The following ZBTB7C variants were observed in gnomAD, a reference collection of about 807,000 sequenced individuals.
ZBTB7C encodes zinc finger and BTB domain-containing protein 7C.
ZBTB7C carries 8 observed loss-of-function variants against 25.7 expected under a neutral mutation model. That is an observed-to-expected ratio of 0.31 (90% CI 0.18 to 0.56). ZBTB7C has a LOEUF of 0.56. Ranked by LOEUF, ZBTB7C falls within the 20% of genes least tolerant of loss-of-function variation. ZBTB7C has a pLI of 0.91. For missense variants in ZBTB7C, 824 were observed against 855.2 expected (o/e 0.96, Z 0.46); for synonymous variants, 394 against 369.0 (o/e 1.07, Z -0.78).
chr18:48,328,542 G>T (rs570815219), intron 2 of ZBTB7C, among the ~76,000 whole-genome samples: 3 of 152,160 alleles, frequency 2.0e-5, no homozygotes, highest in Non-Finnish European at 4.4e-5. Flanking sequence ...TGGCCCAAAT[G>T]ATGTCCAAAG....
intron 3 of ZBTB7C, among the ~76,000 whole-genome samples, chr18:48,085,796 A>G (rs1005977859): frequency 3.9e-5 from 6 of 152,180 alleles, no homozygotes; most frequent in African/African-American, 1.4e-4. Context: ...GGGACGAATA[A>G]ATGTCTGGAA....
intron 3 of ZBTB7C, among the ~76,000 whole-genome samples, chr18:48,164,814 G>C (rs1222198851): frequency 4.6e-5 from 7 of 152,144 alleles, no homozygotes; most frequent in African/African-American, 1.7e-4. Context: ...CTGTATACTA[G>C]ATACTGTTCA....
intron 2 of ZBTB7C, among the ~76,000 whole-genome samples, chr18:48,248,017 A>G (rs2043745337): frequency 6.6e-6 from 1 of 152,094 alleles, no homozygotes; most frequent in African/African-American, 2.4e-5. Context: ...GTCTCACAAA[A>G]TCTAATGGTT....
intron 3 of ZBTB7C, among the ~76,000 whole-genome samples, chr18:48,106,698 T>C (rs1351489344): frequency 6.6e-6 from 1 of 152,032 alleles, no homozygotes; most frequent in Non-Finnish European, 1.5e-5. Flanking sequence ...CATGCCTCAA[T>C]AAAGCTGCTA....
At chr18:48,061,628 A>T (rs1334392365) in intron 3 of ZBTB7C, among the ~76,000 whole-genome samples, 2 of 152,242 alleles carry the variant, frequency 1.3e-5, no homozygotes. Context: ...AATGTAGGTA[A>T]AATCATTACG....
intron 3 of ZBTB7C, among the ~76,000 whole-genome samples, chr18:48,121,833 A>T (rs1254934831): frequency 6.6e-6 from 1 of 152,112 alleles, no homozygotes; most frequent in African/African-American, 2.4e-5. Flanking sequence ...AGGGAGAGGG[A>T]AAAGGCTGTG....
intron 2 of ZBTB7C, among the ~76,000 whole-genome samples, chr18:48,313,623 A>G (rs1389372817): frequency 6.6e-6 from 1 of 152,154 alleles, no homozygotes; most frequent in African/African-American, 2.4e-5. Context: ...GCCCTGCCCT[A>G]TATCAACTCA....
intron 1 of ZBTB7C, among the ~76,000 whole-genome samples, chr18:48,360,881 T>G (rs1231417989): frequency 6.6e-6 from 1 of 152,122 alleles, no homozygotes; most frequent in African/African-American, 2.4e-5. Flanking sequence ...CCTTGTGGGT[T>G]ATGTGTCCCT....
intron 3 of ZBTB7C, among the ~76,000 whole-genome samples, chr18:48,073,552 A>G (rs2037637390): frequency 1.3e-5 from 2 of 152,280 alleles, no homozygotes; most frequent in South Asian, 4.1e-4. Context: ...ACAGGCTCCC[A>G]GTGGCTGCTC....
Position 48,057,000 on chromosome 18 carries a change from C to T in ZBTB7C, c.-16-15877G>A, listed in dbSNP as rs370526589. Among the ~76,000 whole-genome samples, 284 of 142,956 alleles carry T rather than the reference C, an allele frequency of 2.0e-3. 1 individual carries two copies. The highest frequency in any genetic ancestry group is 6.3e-3 in the African/African-American group (233 of 37,220). 93.8% of individuals were successfully genotyped at this position (142,956 alleles called of 152,430 possible). ...CTAATTTCCTTTATATAGAGAGAGA[C>T]CATGTGTCACCAAATCAGGAAAAGA... On this transcript the variant is annotated intron_variant, in intron 3 of 4. Coordinates refer to ENST00000590800, the MANE Select transcript of ZBTB7C (RefSeq NM_001318841.2).
chr18:48,176,625 G>GTGTGTGTT (rs904902456), intron 3 of ZBTB7C, among the ~76,000 whole-genome samples: 3 of 152,016 alleles, frequency 2.0e-5, no homozygotes, highest in Admixed American at 2.0e-4. Flanking sequence ...ACGTGTGTGT[G>GTGTGTGTT]TGTGTGTGTG....
At chr18:48,361,751 T>A (rs2145102725) in intron 1 of ZBTB7C, among the ~76,000 whole-genome samples, 1 of 152,224 alleles carries the variant, frequency 6.6e-6, no homozygotes, top group Middle Eastern at 3.4e-3. Flanking sequence ...GGCCTAAACA[T>A]CAGAGGCATC....
At position 48,080,026 on chromosome 18, in the gene ZBTB7C, C is replaced by T. The variant is rs114187946; in HGVS notation, c.-16-38903G>A. Among the ~76,000 whole-genome samples, 684 of 152,368 alleles carry T rather than the reference C, an allele frequency of 4.5e-3. 6 individuals are homozygous for T. The highest frequency in any genetic ancestry group is 0.014 in the African/African-American group (597 of 41,602). On this transcript the variant is annotated intron_variant, in intron 3 of 4. Transcript: ENST00000590800. ...ACTGCTCCTCAGCACAGGGAGCAGA[C>T]GTTACCACACTCTGGCAAGCCCACT...
At chr18:48,226,447 G>A (rs2043094328) in intron 2 of ZBTB7C, among the ~76,000 whole-genome samples, 1 of 152,186 alleles carries the variant, frequency 6.6e-6, no homozygotes, top group Admixed American at 6.5e-5. Context: ...AGGAGCTGAG[G>A]CCTTTAAACA....
chr18:48,371,837 CA>C (rs1421419030), intron 1 of ZBTB7C, among the ~76,000 whole-genome samples: 1 of 152,180 alleles, frequency 6.6e-6, no homozygotes, highest in Non-Finnish European at 1.5e-5. Flanking sequence ...GGCCATTAAT[CA>C]CCACTGTTTC....
chr18:48,336,747 T>C (rs2046466924), intron 2 of ZBTB7C, among the ~76,000 whole-genome samples: 1 of 152,114 alleles, frequency 6.6e-6, no homozygotes. Flanking sequence ...ACCTCCAGGA[T>C]TGGATATTTT....
upstream of ZBTB7C, among the ~76,000 whole-genome samples, chr18:48,409,877 C>A (rs2145354564): frequency 6.6e-6 from 1 of 152,264 alleles, no homozygotes; most frequent in South Asian, 2.1e-4. Flanking sequence ...GCCGCCGTTT[C>A]TCCGGTCTCC....
At chr18:48,400,347 T>TA (rs879917861) in intron 1 of ZBTB7C, among the ~76,000 whole-genome samples, 1 of 152,182 alleles carries the variant, frequency 6.6e-6, no homozygotes, top group Non-Finnish European at 1.5e-5. Context: ...TTTCAGGAGT[T>TA]AAAGAACACC....
At chr18:48,274,917 ACTC>A (rs2044600548) in intron 2 of ZBTB7C, among the ~76,000 whole-genome samples, 1 of 150,944 alleles carries the variant, frequency 6.6e-6, no homozygotes, top group South Asian at 2.1e-4. Flanking sequence ...TGTCCTCGAT[ACTC>A]CTCCTCCCTC....
Sources: gnomAD v4.1 joint callset for allele counts (sites outside exome capture counted in the v4.1 genomes callset) on GRCh38, gnomAD v4.1.1 for gene constraint, MANE v1.5 for transcripts, NCBI Gene and HGNC (gene_info 2026-07-23, HGNC 2026-07-21) for gene names.